Variants in U2AF2 observed in about 807,000 individuals in gnomAD.
The protein encoded by U2AF2 is U2 small nuclear RNA auxiliary factor 2.
A neutral mutation model predicts 52.6 loss-of-function variants in U2AF2; 6 were observed. That is an observed-to-expected ratio of 0.11 (90% CI 0.06 to 0.23). The LOEUF is 0.23. U2AF2 is among the 10% of genes least tolerant of loss of function. U2AF2 has a pLI of 1.00. For synonymous variants in U2AF2, 284 were observed against 258.2 expected, an observed-to-expected ratio of 1.10 and a Z score of -0.96; for missense variants, 222 against 677.1, an observed-to-expected ratio of 0.33 and a Z score of 7.46.
chr19:55,663,790 T>C, intron 7 of U2AF2, 46 bp downstream of exon 7: 1 of 1,608,508 alleles, frequency 6.2e-7, no homozygotes, highest in Non-Finnish European at 8.5e-7. Flanking sequence ...CCAGTCCTGT[T>C]CCCATGGCCT....
Position 55,669,736 on chromosome 19 carries a change from C to T in U2AF2, c.1293+44C>T, listed in dbSNP as rs549068458. On this transcript the variant is annotated intron_variant, in intron 11 of 11. Coordinates refer to ENST00000308924, the MANE Select transcript of U2AF2 (RefSeq NM_007279.3). ...CAGTGCTCTCTCACCCTCTGCCCCT[C>T]CTCTTCTCCGCGCCCTCTTTCTTCC... is the stretch of plus-strand genomic sequence containing the variant. The T allele has an allele frequency of 2.6e-6, 4 of 1,542,756 alleles. No individual in the cohort carries two copies. The East Asian group carries it at 9.1e-5, about 35-fold the overall frequency.
rs777896706 is a variant in U2AF2, at chr19:55,659,395, G to GTGT, written c.185+53_185+55dup. On this transcript the variant is annotated intron_variant, in intron 2 of 11. Transcript: ENST00000308924. ...GGCCAGCCTGGGAGTCGGGGGGTCG[G>GTGT]TGTTGGCCGGCCTGTGGGTGGCCTG... The GTGT allele has an allele frequency of 1.2e-5, 17 of 1,434,684 alleles. No individual in the cohort carries two copies. The African/African-American group carries it at 1.9e-4, about 16-fold the overall frequency. 88.9% of individuals were successfully genotyped at this position (1,434,684 alleles called of 1,614,324 possible).
chr19:55,667,893 C>T (rs1287920677), intron 7 of U2AF2, among the ~76,000 whole-genome samples: 1 of 151,790 alleles, frequency 6.6e-6, no homozygotes, highest in Non-Finnish European at 1.5e-5. Flanking sequence ...TCACGCCATT[C>T]TTCTGCCTCA....
rs561584628 is a variant in U2AF2 at position 55,668,892 on chromosome 19, G to A, written c.945+100G>A. 54 of 1,540,170 alleles carry A rather than the reference G, an allele frequency of 3.5e-5. No individual in the cohort carries two copies. Among genetic ancestry groups the A allele is most frequent in the Non-Finnish European group, 4.6e-5 (52 of 1,142,190 alleles). On this transcript the variant is annotated intron_variant, in intron 9 of 11. Transcript: ENST00000308924. The surrounding 1 kb of genome is among the most constrained non-coding windows in gnomAD (Gnocchi z 5.5). ...CTCCTCAGGGGACGGGGCGGGAGGC[G>A]GCCAACCTGAGGCAGTGCCCTGTGT...
intron 1 of U2AF2, among the ~76,000 whole-genome samples, chr19:55,657,827 G>T (rs992222040): frequency 3.9e-5 from 6 of 152,126 alleles, no homozygotes; most frequent in African/African-American, 1.4e-4. Context: ...CCATTTCCTA[G>T]CTGTTTGACC....
Position 55,668,589 on chromosome 19 carries a change from A to G in U2AF2, c.822+3A>G. 1.2e-6 allele frequency: 2 copies of G among 1,606,332 alleles called. No homozygotes were observed. The highest frequency in any genetic ancestry group is 1.7e-6 in the Non-Finnish European group (2 of 1,175,402). On this transcript the variant is annotated splice_donor_region_variant and intron_variant, in intron 8 of 11. Coordinates refer to ENST00000308924, the MANE Select transcript of U2AF2 (RefSeq NM_007279.3). The surrounding 1 kb of genome is among the most constrained non-coding windows in gnomAD (Gnocchi z 5.5). ...CCAACTACCTGAACGATGACCAGGTAACTTCCCTGCCTCCCTCCAGACCCG... is the reference window on the plus strand; with the variant it reads ...CCAACTACCTGAACGATGACCAGGTGACTTCCCTGCCTCCCTCCAGACCCG...
chr19:55,656,728 C>G (rs915980199), intron 1 of U2AF2, among the ~76,000 whole-genome samples: 1 of 152,212 alleles, frequency 6.6e-6, no homozygotes, highest in Admixed American at 6.5e-5. Context: ...AAGTTAAAAA[C>G]TTTCTCAGGG....
chr19:55,663,501 T>C lies in U2AF2; in HGVS notation c.604-105T>C. The C allele has an allele frequency of 3.3e-6, 5 of 1,500,560 alleles. No homozygotes were observed. In the Admixed American group the frequency reaches 6.1e-5, roughly 18 times the overall value. 93.0% of individuals were successfully genotyped at this position (1,500,560 alleles called of 1,614,324 possible). A position where few individuals can be genotyped will look rare whatever the true frequency, so the allele number is the denominator to read the frequency against. On this transcript the variant is annotated intron_variant, in intron 6 of 11. Coordinates refer to ENST00000308924, the MANE Select transcript of U2AF2 (RefSeq NM_007279.3). ...CAGCCTGGGGCCTGGCATGTTGTAT[T>C]TGTTCACATGAGTGAAAGGAAAGAG...
In U2AF2 at chr19:55,667,230, T is replaced by C. The variant is rs146619302; in HGVS notation, c.743-1277T>C. Among the ~76,000 whole-genome samples, 10 of 152,230 alleles carry C rather than the reference T, an allele frequency of 6.6e-5. 1 individual carries two copies. In the East Asian group the frequency reaches 1.9e-3, roughly 29 times the overall value. ...TGTGGGGGCATCTCCCCTCCTTCCA[T>C]GGGCACAGCGGCTCATGCTTCTGAG... On this transcript the variant is annotated intron_variant, in intron 7 of 11. Transcript: ENST00000308924.
In U2AF2 at chr19:55,668,911, C is replaced by G. The variant is rs1984707962; in HGVS notation, c.945+119C>G. ...GGAGGCGGCCAACCTGAGGCAGTGCCCTGTGTGTGGGCTCGTCCCTGTCCC... is the reference window on the plus strand; with the variant it reads ...GGAGGCGGCCAACCTGAGGCAGTGCGCTGTGTGTGGGCTCGTCCCTGTCCC... On this transcript the variant is annotated intron_variant, in intron 9 of 11. Transcript: ENST00000308924. This position sits in a 1 kb window ranked among gnomAD's most constrained non-coding sequence, Gnocchi z 5.5. 2 of 1,527,704 alleles carry G rather than the reference C, an allele frequency of 1.3e-6. No homozygotes were observed. Among genetic ancestry groups the G allele is most frequent in the Admixed American group, 3.7e-5 (2 of 54,246 alleles). 94.6% of individuals were successfully genotyped at this position (1,527,704 alleles called of 1,614,324 possible).
rs968422044 is a variant in U2AF2, at chr19:55,668,078, G to A, written c.743-429G>A. ...ATTACAGGCGTGAGCCCCCGCGCCC[G>A]GCCGGGACTGAGCTTTAATGGGAGC... On this transcript the variant is annotated intron_variant, in intron 7 of 11. Transcript: ENST00000308924. The surrounding 1 kb of genome is among the most constrained non-coding windows in gnomAD (Gnocchi z 5.5). Among the ~76,000 whole-genome samples, 1 of 152,174 alleles carries A rather than the reference G, an allele frequency of 6.6e-6. No homozygotes were observed. The highest frequency in any genetic ancestry group is 6.5e-5 in the Admixed American group (1 of 15,280).
At chr19:55,660,102 T>C in intron 2 of U2AF2, 75 bp from the exon 3 acceptor site, 1 of 1,462,500 alleles carries the variant, frequency 6.8e-7, no homozygotes, top group Non-Finnish European at 9.4e-7. Context: ...TCAGTGCCCT[T>C]GGGGGGGTGT....
intron 7 of U2AF2, among the ~76,000 whole-genome samples, chr19:55,664,680 T>C (rs1450911953): frequency 6.6e-6 from 1 of 152,212 alleles, no homozygotes; most frequent in Non-Finnish European, 1.5e-5. Flanking sequence ...CAGGCAGGAC[T>C]TGGGCTAGGT....
chr19:55,655,060 A>C lies in U2AF2; in HGVS notation c.-45A>C. 8 of 1,602,520 alleles carry C rather than the reference A, an allele frequency of 5.0e-6. No individual in the cohort carries two copies. The highest frequency in any genetic ancestry group is 6.8e-6 in the Non-Finnish European group (8 of 1,176,534). On this transcript the variant is annotated 5_prime_UTR_variant, in exon 1 of 12. Transcript: ENST00000308924. ...AGCCGAAGCGGCTGGAGCGGGCGGC[A>C]AGGCGAGGCGAAAGCTGCACAGGGC...
At chr19:55,671,178 T>A (rs530246062) in intron 11 of U2AF2, among the ~76,000 whole-genome samples, 1 of 152,206 alleles carries the variant, frequency 6.6e-6, no homozygotes, top group East Asian at 1.9e-4. Context: ...CGCAATAATC[T>A]GGTGAAAGAT....
intron 7 of U2AF2, among the ~76,000 whole-genome samples, chr19:55,665,528 C>T (rs1451401644): frequency 7.0e-6 from 1 of 142,304 alleles, no homozygotes; most frequent in Non-Finnish European, 1.5e-5. Flanking sequence ...CCATGGACGG[C>T]AGTTCTACGA....
chr19:55,659,972 C>T (rs138721349), intron 2 of U2AF2, among the ~76,000 whole-genome samples: 2,968 of 152,220 alleles, frequency 0.019, 53 homozygotes, highest in South Asian at 0.031. Context: ...TGGCCCCTGG[C>T]CCCTTTCTCC....
intron 1 of U2AF2, among the ~76,000 whole-genome samples, chr19:55,658,110 G>A (rs893798786): frequency 6.6e-6 from 1 of 152,180 alleles, no homozygotes; most frequent in Non-Finnish European, 1.5e-5. Context: ...TGAGGCTGAA[G>A]TTTAACATCC....
chr19:55,656,593 G>C (rs776270246), intron 1 of U2AF2, among the ~76,000 whole-genome samples: 5 of 152,222 alleles, frequency 3.3e-5, no homozygotes. Flanking sequence ...TAAACTCTGA[G>C]CGCTTACCGT....
Sources: allele counts gnomAD v4.1 joint callset (sites outside exome capture counted in the v4.1 genomes callset), GRCh38; gene constraint gnomAD v4.1.1; non-coding constraint Gnocchi (gnomAD v3.1); transcripts MANE v1.5; gene names NCBI Gene and HGNC (gene_info 2026-07-23, HGNC 2026-07-21).